The following ARPIN variants were observed in gnomAD, a reference collection of about 807,000 sequenced individuals.
The protein encoded by ARPIN is UPF0552 protein C15orf38.
Under a neutral mutation model 25.9 loss-of-function variants are expected in ARPIN, and 23 were observed. The ratio of observed to expected loss-of-function variants is 0.89; its 90% CI spans 0.64 to 1.26. The LOEUF (loss-of-function observed/expected upper bound fraction) is 1.26. Ranked by LOEUF, ARPIN falls within the 50% of genes most tolerant of loss-of-function variation. The pLI is 0.00. For missense variants in ARPIN, 333 were observed against 312.2 expected, an observed-to-expected ratio of 1.07 and a Z score of -0.50; for synonymous variants, 126 against 131.4, an observed-to-expected ratio of 0.96 and a Z score of 0.28.
chr15:89,907,281 C>T (rs553502839), intron 3 of ARPIN, among the ~76,000 whole-genome samples: 165 of 151,900 alleles, frequency 1.1e-3, no homozygotes, highest in African/African-American at 3.1e-3. Flanking sequence ...TTCGCCAGGC[C>T]GGTCTCGAAC....
At position 89,900,024 on chromosome 15, in the gene ARPIN, G is replaced by A. The variant is rs1003025344; in HGVS notation, c.*1771C>T. 3.9e-5 allele frequency: 6 copies of A among 152,192 alleles called. No homozygotes were observed. The highest frequency in any genetic ancestry group is 1.4e-4 in the African/African-American group (6 of 41,432). 9.4% of individuals were successfully genotyped at this position (152,192 alleles called of 1,614,324 possible). ...GGAATGGTGACCTGTCCATATAAGT[G>A]TGCCATACCCTTTGGACACAGTGCT... On this transcript the variant is annotated 3_prime_UTR_variant, in exon 6 of 6. Coordinates refer to ENST00000357484, the MANE Select transcript of ARPIN (RefSeq NM_182616.4).
chr15:89,896,850 C>A lies in ARPIN; in HGVS notation c.*4945G>T, dbSNP rs1339556413. On this transcript the variant is annotated 3_prime_UTR_variant, in exon 6 of 6. Transcript: ENST00000357484. ...ATATTATTTTCACCTCATCAAAAAT[C>A]ATTTTAAAAATGTTTTCATACCCAA... 6.6e-6 allele frequency: 1 copy of A among 152,104 alleles called. No homozygotes were observed. The highest frequency in any genetic ancestry group is 1.5e-5 in the Non-Finnish European group (1 of 68,006). The allele number at this position is 152,104 out of a possible 1,614,324, so 9.4% of individuals were successfully genotyped here. A position where few individuals can be genotyped will look rare whatever the true frequency, so the allele number is the denominator to read the frequency against.
chr15:89,909,471 C>T (rs980654518), intron 2 of ARPIN, among the ~76,000 whole-genome samples: 6 of 152,196 alleles, frequency 3.9e-5, no homozygotes, highest in East Asian at 1.9e-4. Context: ...GTTTGAGCCA[C>T]GCAGGGCACC....
In ARPIN at chr15:89,912,786, C is replaced by G; in HGVS notation, c.50G>C (p.Ser17Thr). Residue 17 changes from serine (S) to threonine (T), a missense_variant, in exon 1 of 6, where the codon AGC becomes ACC. Physicochemically the swap from Ser to Thr is moderately conservative, Grantham distance 58 (BLOSUM62 1). Transcript: ENST00000357484. The part of the protein sequence containing the change: ...DGALRNKAVQ[S>T]VRLPGAWDPA... ...GTCCCAGGCCCCTGGCAGCCGGACG[C>G]TCTGCACCGCCTTGTTCCGGAGCGC... is the stretch of plus-strand genomic sequence containing the variant. 1 of 1,518,090 alleles carries G rather than the reference C, an allele frequency of 6.6e-7. No homozygotes were observed. The highest frequency in any genetic ancestry group is 1.2e-5 in the South Asian group (1 of 81,150). The allele number at this position is 1,518,090 out of a possible 1,614,324, so 94.0% of individuals were successfully genotyped here. A position where few individuals can be genotyped will look rare whatever the true frequency, so the allele number is the denominator to read the frequency against.
rs771010593 is a variant in ARPIN at position 89,901,770 on chromosome 15, G to C, written c.*25C>G. The C allele has an allele frequency of 9.3e-6, 15 of 1,612,798 alleles. No individual in the cohort carries two copies. The highest frequency in any genetic ancestry group is 1.2e-5 in the Non-Finnish European group (14 of 1,178,940). ...TTCCACAATGCTACAGAAGGTGCTG[G>C]TGCCCCCAGAGGCAGCCACGTCCCT... is the stretch of plus-strand genomic sequence containing the variant. On this transcript the variant is annotated 3_prime_UTR_variant, in exon 6 of 6. Coordinates refer to ENST00000357484, the MANE Select transcript of ARPIN (RefSeq NM_182616.4).
rs372260309 is a variant in ARPIN at position 89,903,904 on chromosome 15, C to T, written c.381G>A (p.Ala127=). The change falls in exon 4 of 6, where the codon GCG becomes GCA. Residue 127 remains alanine (A), a synonymous_variant. Coordinates refer to ENST00000357484, the MANE Select transcript of ARPIN (RefSeq NM_182616.4). ...KGLVNKPELL[A]LTESLTPDHT... Reference sequence around the variant, plus strand: ...GGTCGGGGGTGAGGCTCTCTGTCAGCGCGAGCAGCTCTGGCTTGTTGACCA... The same window carrying T: ...GGTCGGGGGTGAGGCTCTCTGTCAGTGCGAGCAGCTCTGGCTTGTTGACCA... 28 of 1,613,666 alleles carry T rather than the reference C, an allele frequency of 1.7e-5. No individual in the cohort carries two copies. The highest frequency in any genetic ancestry group is 1.6e-4 in the East Asian group (7 of 44,884).
chr15:89,911,539 G>A (rs1897223796), intron 1 of ARPIN, among the ~76,000 whole-genome samples: 6 of 152,150 alleles, frequency 3.9e-5, no homozygotes, highest in Admixed American at 3.9e-4. Flanking sequence ...AGGGATGGGA[G>A]TGGGAAGTGA....
chr15:89,903,119 G>T, intron 5 of ARPIN, 97 bp downstream of exon 5: 2 of 1,611,234 alleles, frequency 1.2e-6, no homozygotes, highest in Non-Finnish European at 1.7e-6. Context: ...TGGGGGGTAA[G>T]ATTCATCCTG....
chr15:89,912,663 T>TTTGGGGCC, intron 1 of ARPIN, 81 bp downstream of exon 1: 2 of 871,098 alleles, frequency 2.3e-6, no homozygotes, highest in Non-Finnish European at 1.4e-6. Flanking sequence ...CCCACCCGCA[T>TTTGGGGCC]CCCACCCCCC....
At chr15:89,909,951 C>G (rs1271593) in intron 2 of ARPIN, among the ~76,000 whole-genome samples, 134,962 of 152,226 alleles carry the variant, frequency 0.89, 60,051 homozygotes, top group Middle Eastern at 0.95. Context: ...CCCTGCCTGA[C>G]GGCAGATGAG....
At chr15:89,912,663 T>TGGGGGGGGCC in intron 1 of ARPIN, 81 bp downstream of exon 1, 1 of 871,108 alleles carries the variant, frequency 1.1e-6, no homozygotes, top group Non-Finnish European at 1.4e-6. Context: ...CCCACCCGCA[T>TGGGGGGGGCC]CCCACCCCCC....
chr15:89,907,393 A>T (rs1897140551), intron 3 of ARPIN, among the ~76,000 whole-genome samples: 1 of 152,148 alleles, frequency 6.6e-6, no homozygotes, highest in African/African-American at 2.4e-5. Context: ...AAAGAAAAAA[A>T]ATCATATGTT....
chr15:89,910,332 A>G (rs2141927807), intron 2 of ARPIN, among the ~76,000 whole-genome samples: 1 of 152,274 alleles, frequency 6.6e-6, no homozygotes, highest in Admixed American at 6.5e-5. Flanking sequence ...TGCCAGGTGT[A>G]CCCACAGACA....
chr15:89,905,669 C>T (rs944927243), intron 3 of ARPIN, among the ~76,000 whole-genome samples: 15 of 152,112 alleles, frequency 9.9e-5, no homozygotes, highest in Admixed American at 9.2e-4. Context: ...CTTGGCTTCG[C>T]GGGGCTTTAG....
chr15:89,897,485 C>A lies in ARPIN; in HGVS notation c.*4310G>T, dbSNP rs183229651. The A allele has an allele frequency of 6.6e-6, 1 of 151,426 alleles. No individual in the cohort carries two copies. The highest frequency in any genetic ancestry group is 2.4e-5 in the African/African-American group (1 of 41,268). 9.4% of individuals were successfully genotyped at this position (151,426 alleles called of 1,614,324 possible). On this transcript the variant is annotated 3_prime_UTR_variant, in exon 6 of 6. Coordinates refer to ENST00000357484, the MANE Select transcript of ARPIN (RefSeq NM_182616.4). ...GGGCAACAAGAGCAAAACTCCATCT[C>A]AAAAAAAAGAAGAAGAAAAATGGTT...
intron 1 of ARPIN, 149 bp downstream of exon 1, chr15:89,912,595 G>A: frequency 7.4e-7 from 1 of 1,343,980 alleles, no homozygotes; most frequent in Non-Finnish European, 9.5e-7. Flanking sequence ...CGCCGGGAGC[G>A]GCGGACTGGA....
intron 4 of ARPIN, 147 bp from the exon 5 acceptor site, chr15:89,903,526 AC>A (rs1359946999): frequency 5.1e-5 from 72 of 1,421,476 alleles, no homozygotes; most frequent in Non-Finnish European, 6.7e-5. Flanking sequence ...CCTGGGTGGG[AC>A]CCCCAAGGTA....
At position 89,912,816 on chromosome 15, in the gene ARPIN, T is replaced by A; in HGVS notation, c.20A>T (p.Asp7Val). Residue 7 changes from aspartate (D) to valine (V), a missense_variant, in exon 1 of 6, where the codon GAC (aspartate) becomes GTC (valine). Physicochemically the swap from Asp to Val is radical, Grantham distance 152. Transcript: ENST00000357484. MSRIYH[D>V]GALRNKAVQS... is the part of the protein sequence containing the mutation. ...CACCGCCTTGTTCCGGAGCGCGCCGTCGTGGTAGATGCGGCTCATTCTCCC... is the reference window on the plus strand; with the variant it reads ...CACCGCCTTGTTCCGGAGCGCGCCGACGTGGTAGATGCGGCTCATTCTCCC... 6.6e-7 allele frequency: 1 copy of A among 1,524,398 alleles called. No individual in the cohort carries two copies. Among genetic ancestry groups the A allele is most frequent in the South Asian group, 1.2e-5 (1 of 82,032 alleles). The allele number at this position is 1,524,398 out of a possible 1,614,324, so 94.4% of individuals were successfully genotyped here. A position where few individuals can be genotyped will look rare whatever the true frequency, so the allele number is the denominator to read the frequency against.
Position 89,912,759 on chromosome 15 carries a change from G to A in ARPIN, c.77C>T (p.Pro26Leu). Reference sequence around the variant, plus strand: ...CCAGGCCTACCCCTGGTGGGCGGCGGGGTCCCAGGCCCCTGGCAGCCGGAC... The same window carrying A: ...CCAGGCCTACCCCTGGTGGGCGGCGAGGTCCCAGGCCCCTGGCAGCCGGAC... ...QSVRLPGAWDPAAHQGGNGVL... is the reference protein window; with the variant it reads ...QSVRLPGAWDLAAHQGGNGVL... The change falls in exon 1 of 6, where the codon CCC becomes CTC. Residue 26 changes from proline (P) to leucine (L), a missense_variant. Coordinates refer to ENST00000357484, the MANE Select transcript of ARPIN (RefSeq NM_182616.4). The A allele has an allele frequency of 1.3e-6, 2 of 1,486,932 alleles. No individual in the cohort carries two copies. The highest frequency in any genetic ancestry group is 2.2e-5 in the Admixed American group (1 of 44,758). 92.1% of individuals were successfully genotyped at this position (1,486,932 alleles called of 1,614,324 possible). A position where few individuals can be genotyped will look rare whatever the true frequency, so the allele number is the denominator to read the frequency against.
Sources: gnomAD v4.1 joint callset for allele counts (sites outside exome capture counted in the v4.1 genomes callset) on GRCh38, gnomAD v4.1.1 for gene constraint, MANE v1.5 for transcripts, NCBI Gene and HGNC (gene_info 2026-07-23, HGNC 2026-07-21) for gene names.